The following NALF1 variants were observed in gnomAD, a reference collection of about 807,000 sequenced individuals.
The protein encoded by NALF1 is family with sequence similarity 155 member A.
In NALF1, 3 loss-of-function variants were observed where a neutral mutation model predicts 48.4. That is an observed-to-expected ratio of 0.06 (90% confidence interval 0.03 to 0.16). NALF1 has a LOEUF of 0.16. NALF1 is among the 10% of genes least tolerant of loss of function. The pLI is 1.00. For synonymous variants in NALF1, 262 were observed against 245.7 expected (o/e 1.07, Z -0.62); for missense variants, 526 against 571.5 (o/e 0.92, Z 0.81).
chr13:107,374,148 G>T (rs572273763), intron 1 of NALF1, among the ~76,000 whole-genome samples: 10 of 152,072 alleles, frequency 6.6e-5, no homozygotes, highest in Admixed American at 3.3e-4. Flanking sequence ...CATCAGTGTC[G>T]TTTTCTCTGT....
chr13:107,730,304 C>T (rs1415941772), intron 1 of NALF1, among the ~76,000 whole-genome samples: 1 of 152,190 alleles, frequency 6.6e-6, no homozygotes, highest in African/African-American at 2.4e-5. Flanking sequence ...GGGATTCAGG[C>T]TCAATCAATA....
chr13:107,219,602 G>T lies in NALF1; in HGVS notation c.916-8847C>A, dbSNP rs78330470. On this transcript the variant is annotated intron_variant, in intron 1 of 2. Transcript: ENST00000375915. Reference sequence around the variant, plus strand: ...TCCTTCTTTTCCAGAACTCATATAAGATTTCATGGAGCACTTGATGATTAA... The same window carrying T: ...TCCTTCTTTTCCAGAACTCATATAATATTTCATGGAGCACTTGATGATTAA... 4.9e-3 allele frequency among the ~76,000 whole-genome samples: 744 copies of T among 152,284 alleles called. 6 individuals are homozygous for T. Among genetic ancestry groups the T allele is most frequent in the African/African-American group, 0.017 (693 of 41,556 alleles).
chr13:107,441,853 CGTAGGTTTGATCATATAAGTGAAT>C (rs2139026731), intron 1 of NALF1, among the ~76,000 whole-genome samples: 1 of 152,188 alleles, frequency 6.6e-6, no homozygotes, highest in African/African-American at 2.4e-5. Flanking sequence ...GCACAAAATC[CGTAGGTTTGATCATATAAGTGAAT>C]GTGCAATAGG....
chr13:107,364,746 G>A (rs1265479552), intron 1 of NALF1, among the ~76,000 whole-genome samples: 4 of 152,040 alleles, frequency 2.6e-5, no homozygotes, highest in Admixed American at 2.6e-4. Context: ...ATACAGAAAG[G>A]GGGTCAGACA....
chr13:107,426,107 C>T (rs1460703044), intron 1 of NALF1, among the ~76,000 whole-genome samples: 4 of 152,170 alleles, frequency 2.6e-5, no homozygotes, highest in African/African-American at 7.2e-5. Flanking sequence ...AGGCTCTCCC[C>T]TCCACCAGGG....
At chr13:107,620,034 G>T (rs954772341) in intron 1 of NALF1, among the ~76,000 whole-genome samples, 1 of 152,106 alleles carries the variant, frequency 6.6e-6, no homozygotes, top group Non-Finnish European at 1.5e-5. Context: ...CATATTAATT[G>T]AACACTATTT....
chr13:107,325,147 A>G (rs1394371927), intron 1 of NALF1, among the ~76,000 whole-genome samples: 1 of 152,218 alleles, frequency 6.6e-6, no homozygotes, highest in East Asian at 1.9e-4. Context: ...TCCTAATATT[A>G]TTAGGACACA....
intron 1 of NALF1, chr13:107,788,530 G>T (rs1424314536): frequency 6.6e-6 from 1 of 152,068 alleles, no homozygotes; most frequent in African/African-American, 2.4e-5. Context: ...TGAAATTTTG[G>T]ATTCACTCTA....
intron 1 of NALF1, among the ~76,000 whole-genome samples, chr13:107,477,029 AC>A (rs1186261880): frequency 6.6e-6 from 1 of 152,136 alleles, no homozygotes; most frequent in African/African-American, 2.4e-5. Context: ...AGTCAGGGAA[AC>A]TGAGTCAATA....
chr13:107,848,931 A>C (rs1566505349), intron 1 of NALF1, among the ~76,000 whole-genome samples: 1 of 152,190 alleles, frequency 6.6e-6, no homozygotes, highest in Admixed American at 6.5e-5. Context: ...AATTTTCATT[A>C]ATTTTACTCA....
chr13:107,822,435 T>A (rs577885027), intron 1 of NALF1, among the ~76,000 whole-genome samples: 2 of 152,106 alleles, frequency 1.3e-5, no homozygotes, highest in East Asian at 3.9e-4. Flanking sequence ...ACCTGAGAAC[T>A]TTTTAGAAAT....
At chr13:107,457,291 G>C (rs1019333173) in intron 1 of NALF1, among the ~76,000 whole-genome samples, 3 of 152,070 alleles carry the variant, frequency 2.0e-5, no homozygotes, top group Admixed American at 1.3e-4. Context: ...AGGGAATTTC[G>C]AGGCATTTGA....
chr13:107,381,452 C>G (rs139468379), intron 1 of NALF1, among the ~76,000 whole-genome samples: 2 of 151,928 alleles, frequency 1.3e-5, no homozygotes, highest in Admixed American at 6.6e-5. Context: ...CTCACCTTGG[C>G]CCCCCAAAGT....
chr13:107,745,601 GAGT>G (rs1241002985), intron 1 of NALF1, among the ~76,000 whole-genome samples: 1 of 152,034 alleles, frequency 6.6e-6, no homozygotes, highest in African/African-American at 2.4e-5. Context: ...TCAAATCAAG[GAGT>G]AGTTCTGCTT....
At chr13:107,557,359 C>T (rs1787561831) in intron 1 of NALF1, among the ~76,000 whole-genome samples, 1 of 152,120 alleles carries the variant, frequency 6.6e-6, no homozygotes, top group African/African-American at 2.4e-5. Flanking sequence ...TCACATAGCC[C>T]CTATCACATT....
intron 1 of NALF1, among the ~76,000 whole-genome samples, chr13:107,471,710 A>T (rs960638289): frequency 1.2e-4 from 19 of 152,188 alleles, no homozygotes; most frequent in African/African-American, 4.1e-4. Flanking sequence ...CTGTTTTGCT[A>T]TCTGAAGAAT....
intron 1 of NALF1, among the ~76,000 whole-genome samples, chr13:107,234,890 A>C (rs994414985): frequency 1.3e-5 from 2 of 152,142 alleles, no homozygotes; most frequent in Non-Finnish European, 1.5e-5. Context: ...TTTCAGGCAG[A>C]CTTGATGACA....
intron 1 of NALF1, among the ~76,000 whole-genome samples, chr13:107,411,962 A>G (rs912983531): frequency 6.6e-6 from 1 of 152,154 alleles, no homozygotes; most frequent in Non-Finnish European, 1.5e-5. Flanking sequence ...GCTAACATGG[A>G]GGCCACAAGG....
intron 1 of NALF1, among the ~76,000 whole-genome samples, chr13:107,554,489 C>T (rs1025907244): frequency 1.3e-5 from 2 of 152,074 alleles, no homozygotes; most frequent in East Asian, 3.9e-4. Context: ...AGACCCAGGC[C>T]AGGCAGTGCA....
Sources: gnomAD v4.1 joint callset for allele counts (sites outside exome capture counted in the v4.1 genomes callset) on GRCh38, gnomAD v4.1.1 for gene constraint, MANE v1.5 for transcripts, NCBI Gene and HGNC (gene_info 2026-07-23, HGNC 2026-07-21) for gene names.